The following SHANK2 variants were observed in gnomAD, a reference collection of about 807,000 sequenced individuals.
The protein encoded by SHANK2 is SH3 and multiple ankyrin repeat domains 2.
In SHANK2, 43 loss-of-function variants were observed where a neutral mutation model predicts 133.7. That is an observed-to-expected ratio of 0.32 (90% CI 0.25 to 0.41). SHANK2 has a LOEUF of 0.41. Among genes scored for constraint, SHANK2 ranks in the 10% least tolerant of loss-of-function variants. The pLI is 1.00. For synonymous variants in SHANK2, 1,017 were observed against 952.8 expected (o/e 1.07, Z -1.24); for missense variants, 1,994 against 2,235.8 (o/e 0.89, Z 2.18).
At chr11:70,802,168 T>A (rs1948060662) in intron 13 of SHANK2, among the ~76,000 whole-genome samples, 1 of 152,124 alleles carries the variant, frequency 6.6e-6, no homozygotes, top group Non-Finnish European at 1.5e-5. Context: ...AGAAGGTTCA[T>A]CCTCAACACC....
At chr11:70,666,100 T>C (rs1265194074) in intron 15 of SHANK2, among the ~76,000 whole-genome samples, 1 of 152,094 alleles carries the variant, frequency 6.6e-6, no homozygotes, top group East Asian at 1.9e-4. Context: ...GGGCGAAGGA[T>C]GACTACAGGG....
chr11:71,118,782 C>T (rs1555100852), intron 4 of SHANK2, 47 bp downstream of exon 4: 1 of 1,453,896 alleles, frequency 6.9e-7, no homozygotes, highest in Non-Finnish European at 9.2e-7. Context: ...CCATGGCATC[C>T]AGGCTGTGAC....
At chr11:70,953,335 T>A (rs1555087080) in intron 10 of SHANK2, among the ~76,000 whole-genome samples, 1 of 151,800 alleles carries the variant, frequency 6.6e-6, no homozygotes, top group Non-Finnish European at 1.5e-5. Context: ...TAAGGGAGAA[T>A]TGGCTCACAG....
In SHANK2 at chr11:70,537,399, C is replaced by T. The variant is rs529700893; in HGVS notation, c.2062-34468G>A. On this transcript the variant is annotated intron_variant, in intron 17 of 25. Transcript: ENST00000601538. Reference sequence around the variant, plus strand: ...CCCGGGATTTATGGTGGTTTAAAATCCAATGACACGTGTTCTCGTAAGAGA... The same window carrying T: ...CCCGGGATTTATGGTGGTTTAAAATTCAATGACACGTGTTCTCGTAAGAGA... 3.3e-4 allele frequency among the ~76,000 whole-genome samples: 51 copies of T among 152,354 alleles called. 1 individual carries two copies. In the South Asian group the frequency reaches 0.01, roughly 30 times the overall value.
chr11:70,715,291 G>A (rs1357446323), intron 14 of SHANK2, among the ~76,000 whole-genome samples: 1 of 152,222 alleles, frequency 6.6e-6, no homozygotes, highest in Non-Finnish European at 1.5e-5. Context: ...CAGCCGGGAA[G>A]GGAGGATGCT....
In SHANK2 at chr11:71,123,088, C is replaced by T. The variant is rs1204980546; in HGVS notation, c.208-4056G>A. ...CTCCATACGTGATGGGAGCCACCCA[C>T]GTGTTCACACCAGCTCCCGGCAAGC... On this transcript the variant is annotated intron_variant, in intron 3 of 25. Transcript: ENST00000601538. 4.6e-5 allele frequency among the ~76,000 whole-genome samples: 7 copies of T among 152,188 alleles called. 1 individual carries two copies. Among genetic ancestry groups the T allele is most frequent in the South Asian group, 4.2e-4 (2 of 4,816 alleles).
chr11:70,872,065 T>C (rs1402839716), intron 11 of SHANK2, among the ~76,000 whole-genome samples: 1 of 152,194 alleles, frequency 6.6e-6, no homozygotes, highest in Non-Finnish European at 1.5e-5. Flanking sequence ...AGTAGGATGA[T>C]GCGTGTGTGG....
intron 11 of SHANK2, among the ~76,000 whole-genome samples, chr11:70,894,047 G>T (rs1232098743): frequency 6.6e-6 from 1 of 152,178 alleles, no homozygotes; most frequent in Non-Finnish European, 1.5e-5. Context: ...CTCTCTGTTC[G>T]TAAAGAGTTG....
intron 17 of SHANK2, among the ~76,000 whole-genome samples, chr11:70,579,787 G>A (rs2060160852): frequency 6.6e-6 from 1 of 152,240 alleles, no homozygotes; most frequent in Admixed American, 6.5e-5. Context: ...TGGCCCTGAT[G>A]TTCAGCGTCA....
chr11:71,135,490 T>G (rs1474088964), intron 3 of SHANK2, among the ~76,000 whole-genome samples: 4 of 150,194 alleles, frequency 2.7e-5, no homozygotes, highest in Admixed American at 6.6e-5. Flanking sequence ...ATGTTTTTTT[T>G]TTTTTTTTTT....
chr11:70,599,905 GAGAAAGAAAGAAAGAAAGAAAGAAAGAA>G (rs201394941), intron 17 of SHANK2, among the ~76,000 whole-genome samples: 22 of 73,722 alleles, frequency 3.0e-4, no homozygotes, highest in African/African-American at 5.5e-4. Context: ...AAGAAAGAAA[GAGAAAGAAAGAAAGAAAGAAAGAAAGAA>G]AGAAAGAAAG....
intron 17 of SHANK2, among the ~76,000 whole-genome samples, chr11:70,549,507 G>A (rs1203779065): frequency 1.3e-5 from 2 of 152,218 alleles, no homozygotes; most frequent in East Asian, 3.9e-4. Context: ...TGACATTTGC[G>A]AAGCGAGGTT....
chr11:70,918,314 A>G (rs1474713750), intron 10 of SHANK2, among the ~76,000 whole-genome samples: 5 of 152,090 alleles, frequency 3.3e-5, no homozygotes, highest in Non-Finnish European at 5.9e-5. Flanking sequence ...TCAGACGTGT[A>G]CCCTCTCCAC....
chr11:70,521,545 C>T (rs72946440), intron 17 of SHANK2, among the ~76,000 whole-genome samples: 13 of 152,276 alleles, frequency 8.5e-5, no homozygotes, highest in Admixed American at 5.9e-4. Flanking sequence ...TTGTATTCTC[C>T]CCCTTGAGGC....
At chr11:70,590,344 G>A (rs1554987746) in intron 17 of SHANK2, among the ~76,000 whole-genome samples, 1 of 152,182 alleles carries the variant, frequency 6.6e-6, no homozygotes, top group Non-Finnish European at 1.5e-5. Flanking sequence ...TGATAACAAA[G>A]GATTGAGAAT....
intron 11 of SHANK2, among the ~76,000 whole-genome samples, chr11:70,838,064 C>T (rs1323651471): frequency 2.0e-5 from 3 of 150,530 alleles, no homozygotes; most frequent in East Asian, 1.9e-4. Context: ...AAGGAAGGCA[C>T]GTTCCTACCT....
At chr11:71,208,684 C>T (rs1460143694) in intron 2 of SHANK2, among the ~76,000 whole-genome samples, 2 of 152,098 alleles carry the variant, frequency 1.3e-5, no homozygotes, top group African/African-American at 4.8e-5. Context: ...ATTCCAATTC[C>T]CCTAGGTGTG....
intron 1 of SHANK2, among the ~76,000 whole-genome samples, chr11:71,250,946 T>A (rs1948167525): frequency 6.6e-6 from 1 of 151,366 alleles, no homozygotes; most frequent in Non-Finnish European, 1.5e-5. Context: ...CGAACTTGAG[T>A]TTCAAACGAA....
chr11:70,529,449 G>A (rs553912666), intron 17 of SHANK2, among the ~76,000 whole-genome samples: 9 of 152,376 alleles, frequency 5.9e-5, no homozygotes, highest in South Asian at 2.1e-4. Flanking sequence ...ACAAGGTGCC[G>A]TGGGATGCAG....
Sources: allele counts gnomAD v4.1 joint callset (sites outside exome capture counted in the v4.1 genomes callset), GRCh38; gene constraint gnomAD v4.1.1; transcripts MANE v1.5; gene names NCBI Gene and HGNC (gene_info 2026-07-23, HGNC 2026-07-21).